GUCY2F: variants seen among roughly 807,000 people sequenced by gnomAD.
The protein encoded by GUCY2F is retinal guanylyl cyclase 2.
In GUCY2F, 61 loss-of-function variants were observed where a neutral mutation model predicts 73.1. The ratio of observed to expected loss-of-function variants is 0.83; its 90% CI spans 0.68 to 1.03. The LOEUF is 1.03. GUCY2F is among the 50% of genes least tolerant of loss of function. The pLI is 0.00. For synonymous variants in GUCY2F, 331 were observed against 307.8 expected (o/e 1.08, Z -0.79); for missense variants, 912 against 854.3 (o/e 1.07, Z -0.84).
intron 16 of GUCY2F, among the ~76,000 whole-genome samples, chrX:109,383,029 A>ATT (rs1556028018): frequency 9.0e-6 from 1 of 110,928 alleles, no homozygotes; most frequent in African/African-American, 3.3e-5. Context: ...TGAGAAAATC[A>ATT]TTTTTTTTAA....
intron 5 of GUCY2F, among the ~76,000 whole-genome samples, chrX:109,450,480 TAGAC>T (rs1372863868): frequency 5.4e-5 from 6 of 111,767 alleles, no homozygotes; most frequent in African/African-American, 2.0e-4. Context: ...TGGCATTAGG[TAGAC>T]AGAGTCTGTC....
intron 6 of GUCY2F, among the ~76,000 whole-genome samples, chrX:109,442,019 C>G (rs1010768565): frequency 1.8e-5 from 2 of 110,976 alleles, no homozygotes; most frequent in African/African-American, 6.5e-5. Flanking sequence ...CAGAGGGTAT[C>G]CCAGAAAGCA....
chrX:109,424,360 G>A (rs1461533859), intron 8 of GUCY2F, among the ~76,000 whole-genome samples: 1 of 111,929 alleles, frequency 8.9e-6, no homozygotes, highest in African/African-American at 3.3e-5. Flanking sequence ...ATGGATTTGA[G>A]AGTGGATGTG....
chrX:109,429,677 A>T (rs943817869), intron 8 of GUCY2F, among the ~76,000 whole-genome samples: 2 of 111,985 alleles, frequency 1.8e-5, no homozygotes, highest in African/African-American at 6.5e-5. Context: ...CCAAGATAGT[A>T]TTCACAAGTC....
chrX:109,386,972 C>T (rs1211094543), intron 15 of GUCY2F, among the ~76,000 whole-genome samples: 1 of 111,976 alleles, frequency 8.9e-6, no homozygotes, highest in Non-Finnish European at 1.9e-5. Flanking sequence ...CAAACGCCTG[C>T]TATGTGCTAA....
At chrX:109,384,835 T>C (rs1930396738) in intron 16 of GUCY2F, among the ~76,000 whole-genome samples, 1 of 111,425 alleles carries the variant, frequency 9.0e-6, no homozygotes, top group African/African-American at 3.3e-5. Context: ...TGTAGTTCTT[T>C]TCTCAACATG....
At chrX:109,429,153 T>A (rs1931553532) in intron 8 of GUCY2F, among the ~76,000 whole-genome samples, 1 of 112,228 alleles carries the variant, frequency 8.9e-6, no homozygotes, top group Non-Finnish European at 1.9e-5. Context: ...GGCTCACGCC[T>A]GTAATCCCAG....
chrX:109,432,953 T>C (rs1272219568), intron 7 of GUCY2F, among the ~76,000 whole-genome samples: 1 of 112,632 alleles, frequency 8.9e-6, no homozygotes, highest in Non-Finnish European at 1.9e-5. Flanking sequence ...TGATGATGTA[T>C]GTGCATAGCT....
chrX:109,410,733 A>C (rs1931088973), intron 8 of GUCY2F, among the ~76,000 whole-genome samples: 1 of 112,307 alleles, frequency 8.9e-6, no homozygotes, highest in Non-Finnish European at 1.9e-5. Flanking sequence ...AATGTTAAGT[A>C]TCTAATTCAC....
At chrX:109,468,033 A>G (rs1196982188) in intron 2 of GUCY2F, among the ~76,000 whole-genome samples, 2 of 111,624 alleles carry the variant, frequency 1.8e-5, no homozygotes, top group African/African-American at 6.5e-5. Context: ...CCCCTCTAAG[A>G]CTGGCTGAGG....
intron 11 of GUCY2F, among the ~76,000 whole-genome samples, chrX:109,396,782 C>T (rs944640593): frequency 1.8e-5 from 2 of 112,530 alleles, no homozygotes; most frequent in African/African-American, 3.2e-5. Flanking sequence ...TTCCTTTAAC[C>T]CAGGTCAGGC....
chrX:109,436,468 A>G (rs1297382256), intron 7 of GUCY2F, among the ~76,000 whole-genome samples: 1 of 111,502 alleles, frequency 9.0e-6, no homozygotes, highest in Non-Finnish European at 1.9e-5. Context: ...TCATGCTGCT[A>G]TAAAGACACA....
chrX:109,447,649 T>G, intron 6 of GUCY2F, among the ~76,000 whole-genome samples: 1 of 94,893 alleles, frequency 1.1e-5, no homozygotes, highest in African/African-American at 3.8e-5. Flanking sequence ...GGGGGAGGGA[T>G]AGCATTAGGA....
In GUCY2F at chrX:109,453,719, G is replaced by A; in HGVS notation, c.1173C>T (p.Asn391=). The A allele has an allele frequency of 1.7e-6, 2 of 1,202,797 alleles. No homozygotes were observed. Among genetic ancestry groups the A allele is most frequent in the Non-Finnish European group, 2.3e-6 (2 of 887,365 alleles). ...CATTTGAATCTGTCCTCATCAACTG[G>A]TTGAATCCATGGAACTGCATGTTTC... The part of the protein sequence containing the change: ...HSRNMQFHGF[N]QLMRTDSNGN... The change falls in exon 4 of 20, where the codon AAC becomes AAT. Residue 391 remains asparagine (N), a synonymous_variant. Coordinates refer to ENST00000218006, the MANE Select transcript of GUCY2F (RefSeq NM_001522.3).
chrX:109,425,907 C>T (rs962173662), intron 8 of GUCY2F, among the ~76,000 whole-genome samples: 1 of 110,874 alleles, frequency 9.0e-6, no homozygotes, highest in South Asian at 3.8e-4. Context: ...TAGTAAAAAT[C>T]GAGAAAGAGA....
intron 6 of GUCY2F, among the ~76,000 whole-genome samples, chrX:109,442,336 A>G (rs1931892903): frequency 9.0e-6 from 1 of 111,322 alleles, no homozygotes; most frequent in Non-Finnish European, 1.9e-5. Flanking sequence ...AAAGCAATCC[A>G]GAGCTAGCCG....
In GUCY2F at chrX:109,383,066, G is replaced by A. The variant is rs746004535; in HGVS notation, c.3056-854C>T. The stretch of plus-strand genomic sequence containing the variant: ...AAAAAAGCTGATTACAACCTGAGTA[G>A]GAAGGCATGGCGGGAGAGAACTGCA... On this transcript the variant is annotated intron_variant, in intron 16 of 19. Coordinates refer to ENST00000218006, the MANE Select transcript of GUCY2F (RefSeq NM_001522.3). Among the ~76,000 whole-genome samples, 9 of 111,366 alleles carry A rather than the reference G, an allele frequency of 8.1e-5. No individual in the cohort carries two copies. In the East Asian group the frequency reaches 2.5e-3, roughly 31 times the overall value.
intron 8 of GUCY2F, among the ~76,000 whole-genome samples, chrX:109,411,922 G>C (rs978121363): frequency 8.9e-6 from 1 of 111,931 alleles, no homozygotes; most frequent in Non-Finnish European, 1.9e-5. Context: ...GAAAGGCCAG[G>C]AAGTAGAGAA....
chrX:109,422,912 T>C (rs1355697440), intron 8 of GUCY2F, among the ~76,000 whole-genome samples: 3 of 112,604 alleles, frequency 2.7e-5, no homozygotes, highest in Non-Finnish European at 3.8e-5. Context: ...GCTATATTTA[T>C]GCAATGGAAT....
Sources: allele counts gnomAD v4.1 joint callset (sites outside exome capture counted in the v4.1 genomes callset), GRCh38; gene constraint gnomAD v4.1.1; transcripts MANE v1.5; gene names NCBI Gene and HGNC (gene_info 2026-07-23, HGNC 2026-07-21).